Variants in PLEK2 observed in about 807,000 individuals in gnomAD.
PLEK2 encodes the protein pleckstrin-2.
A neutral mutation model predicts 43.8 loss-of-function variants in PLEK2; 29 were observed. That is an observed-to-expected ratio of 0.66 (90% CI 0.49 to 0.90). The LOEUF (loss-of-function observed/expected upper bound fraction) is 0.90, where lower values mean the gene tolerates loss of function less well. PLEK2 is among the 40% of genes least tolerant of loss of function. PLEK2 has a pLI of 0.00. For synonymous variants in PLEK2, 162 were observed against 173.2 expected, an observed-to-expected ratio of 0.94 and a Z score of 0.51; for missense variants, 398 against 448.1, an observed-to-expected ratio of 0.89 and a Z score of 1.01.
chr14:67,392,082 T>C (rs1192757249), intron 6 of PLEK2, among the ~76,000 whole-genome samples: 1 of 152,056 alleles, frequency 6.6e-6, no homozygotes, highest in African/African-American at 2.4e-5. Flanking sequence ...GTGATAATTG[T>C]GTGTGTGTGT....
At chr14:67,393,282 C>T (rs762970020) in intron 3 of PLEK2, 41 bp from the exon 4 acceptor site, 24 of 1,411,194 alleles carry the variant, frequency 1.7e-5, no homozygotes, top group South Asian at 6.9e-5. Flanking sequence ...ACCCTCATCA[C>T]GCGGGCAGGT....
chr14:67,387,791 A>T (rs1263306900), intron 8 of PLEK2, among the ~76,000 whole-genome samples: 1 of 152,230 alleles, frequency 6.6e-6, no homozygotes, highest in African/African-American at 2.4e-5. Flanking sequence ...AAGCAAGCAT[A>T]GAATTTGGAG....
rs2085932348 is a variant in PLEK2, at chr14:67,387,256, A to G, written c.*73T>C. On this transcript the variant is annotated 3_prime_UTR_variant, in exon 9 of 9. Transcript: ENST00000216446. ...TTACAAAGAAGTCAAAAGTCTTAAC[A>G]CTCCCATTCTCCAGGAACTCTTGTC... 6.9e-7 allele frequency: 1 copy of G among 1,452,418 alleles called. No homozygotes were observed. Among genetic ancestry groups the G allele is most frequent in the African/African-American group, 1.4e-5 (1 of 69,240 alleles). 90.0% of individuals were successfully genotyped at this position (1,452,418 alleles called of 1,614,324 possible). A position where few individuals can be genotyped will look rare whatever the true frequency, so the allele number is the denominator to read the frequency against.
At chr14:67,408,208 C>T (rs2086092117) in intron 1 of PLEK2, among the ~76,000 whole-genome samples, 1 of 151,640 alleles carries the variant, frequency 6.6e-6, no homozygotes, top group African/African-American at 2.4e-5. Context: ...ATCACTTGAA[C>T]CTGGGAGGCA....
chr14:67,394,970 C>T (rs1036016700), intron 3 of PLEK2, among the ~76,000 whole-genome samples: 1 of 152,288 alleles, frequency 6.6e-6, no homozygotes, highest in African/African-American at 2.4e-5. Flanking sequence ...AAGGCCCTCA[C>T]CAGATGCAGC....
At position 67,392,374 on chromosome 14, in the gene PLEK2, A is replaced by G; in HGVS notation, c.723T>C (p.Thr241=). 1.2e-6 allele frequency: 2 copies of G among 1,613,916 alleles called. No homozygotes were observed. Among genetic ancestry groups the G allele is most frequent in the South Asian group, 2.2e-5 (2 of 91,068 alleles). ...TCACCACCGTGCCACTTAACTCCAC[A>G]GTGCTCAGGCTAATTTCTTCCTTGG... ...ISPKEEISLS[T]VELSGTVVKQ... The change falls in exon 6 of 9, where the codon ACT becomes ACC. Residue 241 remains threonine (T), a synonymous_variant. Transcript: ENST00000216446.
chr14:67,391,496 G>A (rs771483535), intron 6 of PLEK2, among the ~76,000 whole-genome samples: 6 of 152,058 alleles, frequency 3.9e-5, no homozygotes, highest in Non-Finnish European at 5.9e-5. Context: ...GGCAGCAGTG[G>A]GGATGATAAG....
At chr14:67,408,319 T>C (rs1458862027) in intron 1 of PLEK2, among the ~76,000 whole-genome samples, 1 of 136,916 alleles carries the variant, frequency 7.3e-6, no homozygotes, top group Admixed American at 7.6e-5. Flanking sequence ...TAAAATAAAA[T>C]AAAATAAAAT....
intron 6 of PLEK2, 25 bp downstream of exon 6, chr14:67,392,301 T>A (rs777013541): frequency 7.0e-7 from 1 of 1,429,228 alleles, no homozygotes; most frequent in East Asian, 2.3e-5. Context: ...TGTCCATCTC[T>A]CTTCCCTGCT....
chr14:67,390,778 G>A (rs769479398), intron 6 of PLEK2, 32 bp from the exon 7 acceptor site: 5 of 1,434,966 alleles, frequency 3.5e-6, no homozygotes, highest in Non-Finnish European at 4.9e-6. Context: ...AAGCTCATTG[G>A]TGACAGCTGC....
chr14:67,387,151 A>G lies in PLEK2; in HGVS notation c.*178T>C, dbSNP rs1392205262. ...GCCTTTCCAGGTTTGTAACATGAAGATGGGGAAGGAAATGGCACCACTGCT... is the reference window on the plus strand; with the variant it reads ...GCCTTTCCAGGTTTGTAACATGAAGGTGGGGAAGGAAATGGCACCACTGCT... On this transcript the variant is annotated 3_prime_UTR_variant, in exon 9 of 9. Coordinates refer to ENST00000216446, the MANE Select transcript of PLEK2 (RefSeq NM_016445.3). 1 of 537,456 alleles carries G rather than the reference A, an allele frequency of 1.9e-6. No homozygotes were observed. Among genetic ancestry groups the G allele is most frequent in the East Asian group, 3.6e-5 (1 of 27,944 alleles). 33.3% of individuals were successfully genotyped at this position (537,456 alleles called of 1,614,324 possible).
chr14:67,387,587 C>G (rs928573867), intron 8 of PLEK2, 131 bp from the exon 9 acceptor site: 28 of 958,144 alleles, frequency 2.9e-5, no homozygotes, highest in Non-Finnish European at 3.9e-5. Flanking sequence ...AAAAGGTTTA[C>G]AGTTAGAGAA....
chr14:67,404,654 A>T (rs1433434108), intron 1 of PLEK2, among the ~76,000 whole-genome samples: 1 of 151,648 alleles, frequency 6.6e-6, no homozygotes, highest in Non-Finnish European at 1.5e-5. Context: ...TACAAATAAT[A>T]AAAAAATTAG....
intron 1 of PLEK2, among the ~76,000 whole-genome samples, chr14:67,403,878 G>A (rs2139885957): frequency 6.6e-6 from 1 of 152,202 alleles, no homozygotes; most frequent in South Asian, 2.1e-4. Context: ...ATAGTGAGAA[G>A]TCATTTCTAC....
intron 3 of PLEK2, among the ~76,000 whole-genome samples, chr14:67,394,594 C>T (rs754430188): frequency 2.0e-5 from 3 of 151,974 alleles, no homozygotes; most frequent in Non-Finnish European, 2.9e-5. Context: ...ATTTCAGTGC[C>T]TGGTGGGGAG....
chr14:67,390,838 C>G, intron 6 of PLEK2, 92 bp from the exon 7 acceptor site: 2 of 865,292 alleles, frequency 2.3e-6, no homozygotes, highest in East Asian at 2.4e-5. Flanking sequence ...CCCCAACAAG[C>G]CAGCCCGCTC....
rs749412562 is a variant in PLEK2 at position 67,387,407 on chromosome 14, A to T, written c.984T>A (p.Asp328Glu). 7.5e-6 allele frequency: 12 copies of T among 1,610,550 alleles called. No homozygotes were observed. In the South Asian group the frequency reaches 1.3e-4, roughly 18 times the overall value. Residue 328 changes from aspartate (D) to glutamate (E), a missense_variant, in exon 9 of 9, where the codon GAT (aspartate) becomes GAA (glutamate). Physicochemically the swap from Asp to Glu is conservative, Grantham distance 45. Coordinates refer to ENST00000216446, the MANE Select transcript of PLEK2 (RefSeq NM_016445.3). Reference protein sequence around the residue: ...QGNLFKVITKDDTHYYIQASS... With the variant: ...QGNLFKVITKEDTHYYIQASS... ...TGGCCTGAATGTAATAGTGTGTGTC[A>T]TCCTTAGTAATCACTTTGAAGAGGT... is the stretch of plus-strand genomic sequence containing the variant.
intron 1 of PLEK2, among the ~76,000 whole-genome samples, chr14:67,409,069 TAAAA>T (rs977017810): frequency 1.4e-5 from 2 of 138,828 alleles, no homozygotes; most frequent in Non-Finnish European, 3.1e-5. Flanking sequence ...AAAAAAGAAA[TAAAA>T]AAAAAGCAAA....
intron 1 of PLEK2, among the ~76,000 whole-genome samples, chr14:67,402,771 T>C (rs2086057092): frequency 6.6e-6 from 1 of 152,256 alleles, no homozygotes; most frequent in Non-Finnish European, 1.5e-5. Context: ...TTCTTTTTTA[T>C]GGCTGAATAG....
Sources: gnomAD v4.1 joint callset for allele counts (sites outside exome capture counted in the v4.1 genomes callset) on GRCh38, gnomAD v4.1.1 for gene constraint, MANE v1.5 for transcripts, NCBI Gene and HGNC (gene_info 2026-07-23, HGNC 2026-07-21) for gene names.